Variants in KCNQ1 observed in about 807,000 individuals in gnomAD.
KCNQ1 encodes potassium voltage-gated channel subfamily KQT member 1.
KCNQ1 carries 49 observed loss-of-function variants against 72.4 expected under a neutral mutation model. The observed-to-expected ratio is 0.68, with a 90% CI of 0.54 to 0.86. The LOEUF (loss-of-function observed/expected upper bound fraction) is 0.86, where lower values mean the gene tolerates loss of function less well. Among genes scored for constraint, KCNQ1 ranks in the 40% least tolerant of loss-of-function variants. KCNQ1 has a pLI of 0.00. For missense variants in KCNQ1, 790 were observed against 945.1 expected (o/e 0.84, Z 2.15); for synonymous variants, 450 against 412.6 (o/e 1.09, Z -1.10).
chr11:2,700,521 C>G (rs1395877950), intron 11 of KCNQ1, among the ~76,000 whole-genome samples: 1 of 152,020 alleles, frequency 6.6e-6, no homozygotes, highest in East Asian at 1.9e-4. Context: ...CGGGCAAGGT[C>G]TCCACCGCCG....
chr11:2,759,304 A>G lies in KCNQ1; in HGVS notation c.1515-9540A>G, dbSNP rs1846352576. Among the ~76,000 whole-genome samples, 1 of 152,186 alleles carries G rather than the reference A, an allele frequency of 6.6e-6. No homozygotes were observed. The highest frequency in any genetic ancestry group is 2.4e-5 in the African/African-American group (1 of 41,450). On this transcript the variant is annotated intron_variant, in intron 11 of 15. Transcript: ENST00000155840. The surrounding 1 kb of genome is among the most constrained non-coding windows in gnomAD (Gnocchi z 4.4). ...GGTGGCTGCTAGGGGGATGTGACGT[A>G]GAGTGACTTCAGTTTCCCTCTTCAT...
rs1850356342 is a variant in KCNQ1 at position 2,679,718 on chromosome 11, C to G, written c.1514+17637C>G. The G allele has an allele frequency of 2.5e-6, 1 of 398,426 alleles. No individual in the cohort carries two copies. The highest frequency in any genetic ancestry group is 2.1e-5 in the African/African-American group (1 of 48,602). The allele number at this position is 398,426 out of a possible 1,614,324, so 24.7% of individuals were successfully genotyped here. On this transcript the variant is annotated intron_variant, in intron 11 of 15. Coordinates refer to ENST00000155840, the MANE Select transcript of KCNQ1 (RefSeq NM_000218.3). The surrounding 1 kb of genome is among the most constrained non-coding windows in gnomAD (Gnocchi z 4.8). ...TTTTAAATCAGCCGTTCTCTGTATT[C>G]TTGTCCAGATGCTGTGGACAGTGAT...
At chr11:2,806,923 G>T (rs1419975807) in intron 15 of KCNQ1, among the ~76,000 whole-genome samples, 1 of 152,210 alleles carries the variant, frequency 6.6e-6, no homozygotes, top group Non-Finnish European at 1.5e-5. Flanking sequence ...GCACCACCGG[G>T]ACAGCACCAG....
At chr11:2,831,781 C>G (rs556163042) in intron 15 of KCNQ1, among the ~76,000 whole-genome samples, 15 of 151,094 alleles carry the variant, frequency 9.9e-5, no homozygotes, top group Middle Eastern at 3.4e-3. Context: ...CCACCAGAGC[C>G]CTGGAAGGCT....
intron 1 of KCNQ1, among the ~76,000 whole-genome samples, chr11:2,518,759 G>T (rs1847328532): frequency 6.6e-6 from 1 of 152,200 alleles, no homozygotes; most frequent in Admixed American, 6.5e-5. Flanking sequence ...TGTCCCTTGG[G>T]CTGGGATCCC....
intron 11 of KCNQ1, among the ~76,000 whole-genome samples, chr11:2,756,666 G>T (rs370286452): frequency 3.3e-5 from 5 of 151,902 alleles, no homozygotes; most frequent in African/African-American, 1.2e-4. Context: ...GCCCAGGCTG[G>T]TCTTGAACTC....
At chr11:2,719,177 G>C (rs1263735178) in intron 11 of KCNQ1, among the ~76,000 whole-genome samples, 1 of 152,126 alleles carries the variant, frequency 6.6e-6, no homozygotes, top group East Asian at 1.9e-4. Flanking sequence ...CTCTCATTGG[G>C]GGTAACAATG....
At chr11:2,838,323 T>C (rs1848125660) in intron 15 of KCNQ1, among the ~76,000 whole-genome samples, 1 of 152,008 alleles carries the variant, frequency 6.6e-6, no homozygotes, top group Admixed American at 6.5e-5. Context: ...GGAAGCAGGC[T>C]TGGGGCTGGG....
At chr11:2,610,694 T>C (rs915489417) in intron 10 of KCNQ1, 12 of 394,720 alleles carry the variant, frequency 3.0e-5, no homozygotes, top group Non-Finnish European at 4.4e-5. Context: ...GAAACTTTTC[T>C]GGACACAGTA....
chr11:2,542,359 C>T (rs977175995), intron 2 of KCNQ1, among the ~76,000 whole-genome samples: 4 of 152,228 alleles, frequency 2.6e-5, no homozygotes, highest in African/African-American at 9.6e-5. Context: ...GCCCCGTGCC[C>T]ACCAAAGGCG....
intron 15 of KCNQ1, among the ~76,000 whole-genome samples, chr11:2,820,874 C>T (rs1162121726): frequency 6.6e-6 from 1 of 152,222 alleles, no homozygotes; most frequent in Non-Finnish European, 1.5e-5. Context: ...TTCCTTCATC[C>T]CATACTTTCT....
chr11:2,513,035 C>T (rs1007404286), intron 1 of KCNQ1, among the ~76,000 whole-genome samples: 31 of 152,132 alleles, frequency 2.0e-4, no homozygotes, highest in Admixed American at 1.9e-3. Flanking sequence ...GCTCAAGCCC[C>T]GGCCTGCTCA....
In KCNQ1 at chr11:2,698,758, G is replaced by A. The variant is rs1850720296; in HGVS notation, c.1514+36677G>A. ...CCCTTGGATCTCAACTCAGAGCCAT[G>A]ATGCAGACTCCAGACCGGGATTCAG... On this transcript the variant is annotated intron_variant, in intron 11 of 15. Transcript: ENST00000155840. This position sits in a 1 kb window ranked among gnomAD's most constrained non-coding sequence, Gnocchi z 5.1. 1 of 398,672 alleles carries A rather than the reference G, an allele frequency of 2.5e-6. No homozygotes were observed. The highest frequency in any genetic ancestry group is 4.4e-6 in the Non-Finnish European group (1 of 226,154). The allele number at this position is 398,672 out of a possible 1,614,324, so 24.7% of individuals were successfully genotyped here.
rs1850133725 is a variant in KCNQ1 at position 2,669,001 on chromosome 11, C to A, written c.1514+6920C>A. 2 of 398,550 alleles carry A rather than the reference C, an allele frequency of 5.0e-6. No homozygotes were observed. The highest frequency in any genetic ancestry group is 2.1e-5 in the African/African-American group (1 of 48,630). The allele number at this position is 398,550 out of a possible 1,614,324, so 24.7% of individuals were successfully genotyped here. On this transcript the variant is annotated intron_variant, in intron 11 of 15. Transcript: ENST00000155840. The surrounding 1 kb of genome is among the most constrained non-coding windows in gnomAD (Gnocchi z 5.6). ...TGTGAGGCCGAGGTCAAGGTCCACTCTTCCCCTACTTGGATATCCAGTCTA... is the reference window on the plus strand; with the variant it reads ...TGTGAGGCCGAGGTCAAGGTCCACTATTCCCCTACTTGGATATCCAGTCTA...
chr11:2,733,604 G>A (rs921637851), intron 11 of KCNQ1, among the ~76,000 whole-genome samples: 10 of 151,976 alleles, frequency 6.6e-5, no homozygotes, highest in Admixed American at 2.0e-4. Flanking sequence ...GGAGACAGTC[G>A]GGCACGGTGG....
rs997609963 is a variant in KCNQ1, at chr11:2,663,280, G to A, written c.1514+1199G>A. On this transcript the variant is annotated intron_variant, in intron 11 of 15. Transcript: ENST00000155840. This position sits in a 1 kb window ranked among gnomAD's most constrained non-coding sequence, Gnocchi z 5.2. Reference sequence around the variant, plus strand: ...CTAGTCATGGACACCCTGAGAATAGGGCTCTGAGCTTCTGGGCCCCTCCTG... The same window carrying A: ...CTAGTCATGGACACCCTGAGAATAGAGCTCTGAGCTTCTGGGCCCCTCCTG... 2.5e-6 allele frequency: 1 copy of A among 398,580 alleles called. No individual in the cohort carries two copies. The highest frequency in any genetic ancestry group is 2.1e-5 in the African/African-American group (1 of 48,594). The allele number at this position is 398,580 out of a possible 1,614,324, so 24.7% of individuals were successfully genotyped here. A position where few individuals can be genotyped will look rare whatever the true frequency, so the allele number is the denominator to read the frequency against.
rs1847867234 is a variant in KCNQ1 at position 2,827,670 on chromosome 11, A to G, written c.1795-20097A>G. ...GGGGCGGGGGAGAGCGGCTATGGAG[A>G]CAAGTGGCTGTTTTGCCAGAGGGAA... On this transcript the variant is annotated intron_variant, in intron 15 of 15. Coordinates refer to ENST00000155840, the MANE Select transcript of KCNQ1 (RefSeq NM_000218.3). The surrounding 1 kb of genome is among the most constrained non-coding windows in gnomAD (Gnocchi z 6.7). Among the ~76,000 whole-genome samples the G allele has an allele frequency of 6.6e-6, 1 of 151,102 alleles. No homozygotes were observed. The highest frequency in any genetic ancestry group is 2.4e-5 in the African/African-American group (1 of 41,082).
At chr11:2,672,345 A>G in intron 11 of KCNQ1, 1 of 398,632 alleles carries the variant, frequency 2.5e-6, no homozygotes, top group South Asian at 1.3e-4. Flanking sequence ...GTGCAGAAGC[A>G]GTGTGGTGGG....
rs1847524388 is a variant in KCNQ1 at position 2,813,003 on chromosome 11, A to C, written c.1795-34764A>C. 6.6e-6 allele frequency among the ~76,000 whole-genome samples: 1 copy of C among 152,222 alleles called. No homozygotes were observed. Among genetic ancestry groups the C allele is most frequent in the Non-Finnish European group, 1.5e-5 (1 of 68,040 alleles). ...GCCTCCAATCCCTCATTACTGCCCCAGCCTGTGCCTGTGCCTGGAGGCTGT... is the reference window on the plus strand; with the variant it reads ...GCCTCCAATCCCTCATTACTGCCCCCGCCTGTGCCTGTGCCTGGAGGCTGT... On this transcript the variant is annotated intron_variant, in intron 15 of 15. Coordinates refer to ENST00000155840, the MANE Select transcript of KCNQ1 (RefSeq NM_000218.3). The surrounding 1 kb of genome is among the most constrained non-coding windows in gnomAD (Gnocchi z 4.4).
Sources: gnomAD v4.1 joint callset for allele counts (sites outside exome capture counted in the v4.1 genomes callset) on GRCh38, gnomAD v4.1.1 for gene constraint, Gnocchi (gnomAD v3.1) non-coding constraint, MANE v1.5 for transcripts, NCBI Gene and HGNC (gene_info 2026-07-23, HGNC 2026-07-21) for gene names.